RRBP1: variants seen among roughly 807,000 people sequenced by gnomAD.
RRBP1 encodes the protein ribosome-binding protein 1.
RRBP1 carries 94 observed loss-of-function variants against 165.2 expected under a neutral mutation model. The observed-to-expected ratio is 0.57, with a 90% CI of 0.48 to 0.68. RRBP1 has a LOEUF of 0.68. RRBP1 is among the 30% of genes least tolerant of loss of function. The probability of loss-of-function intolerance (pLI) is 0.00; values close to 1 mark genes in which losing one functional copy is unlikely to be tolerated. For missense variants in RRBP1, 1,676 were observed against 1,763.0 expected (o/e 0.95, Z 0.88); for synonymous variants, 680 against 714.5 (o/e 0.95, Z 0.77).
intron 3 of RRBP1, among the ~76,000 whole-genome samples, chr20:17,646,383 T>C (rs1437118482): frequency 6.6e-6 from 1 of 152,244 alleles, no homozygotes. Context: ...GTCACCTCTG[T>C]CCTTGGGCAG....
chr20:17,627,876 T>G (rs563530992), intron 9 of RRBP1, among the ~76,000 whole-genome samples, 194 bp from the exon 10 acceptor site: 2 of 152,332 alleles, frequency 1.3e-5, no homozygotes, highest in South Asian at 4.1e-4. Context: ...AAAGTGCCAC[T>G]CTGGCATCAC....
rs2036702743 is a variant in RRBP1, at chr20:17,659,092, T to TAAA, written c.1415_1416insTTT (p.Val472_Glu473insLeu). 6.8e-7 allele frequency: 1 copy of TAAA among 1,469,870 alleles called. No homozygotes were observed. The highest frequency in any genetic ancestry group is 9.1e-7 in the Non-Finnish European group (1 of 1,104,450). 91.1% of individuals were successfully genotyped at this position (1,469,870 alleles called of 1,614,324 possible). On this transcript the variant is annotated inframe_insertion, in exon 3 of 25. Coordinates refer to ENST00000377813, the MANE Select transcript of RRBP1 (RefSeq NM_001365613.2). ...TCTTGCCCTGGTTCTGGGCCCCTTC[T>TAAA]ACTTTTTTGCCCTGGTTCTGAGCAC...
In RRBP1 at chr20:17,629,341, T is replaced by C. The variant is rs560404208; in HGVS notation, c.2749+482A>G. Among the ~76,000 whole-genome samples, 3 of 152,344 alleles carry C rather than the reference T, an allele frequency of 2.0e-5. No homozygotes were observed. The East Asian group carries it at 5.8e-4, about 29-fold the overall frequency. ...CCCTGTCACCCTTTCCATGATCGACTGCAGCAAGGGAACCACAGGCTTGTA... is the reference window on the plus strand; with the variant it reads ...CCCTGTCACCCTTTCCATGATCGACCGCAGCAAGGGAACCACAGGCTTGTA... On this transcript the variant is annotated intron_variant, in intron 9 of 24. Transcript: ENST00000377813.
In RRBP1 at chr20:17,613,837, C is replaced by A; in HGVS notation, c.*345G>T. ...CCCACCCGCTTCCCGCCCCGCCCCA[C>A]TGAAAAAACACTAAACGATTGCACT... On this transcript the variant is annotated 3_prime_UTR_variant, in exon 25 of 25. Coordinates refer to ENST00000377813, the MANE Select transcript of RRBP1 (RefSeq NM_001365613.2). The A allele has an allele frequency of 4.3e-6, 1 of 232,432 alleles. No homozygotes were observed. The highest frequency in any genetic ancestry group is 8.6e-6 in the Non-Finnish European group (1 of 116,090). 14.4% of individuals were successfully genotyped at this position (232,432 alleles called of 1,614,324 possible). A position where few individuals can be genotyped will look rare whatever the true frequency, so the allele number is the denominator to read the frequency against.
Position 17,627,615 on chromosome 20 carries a change from G to A in RRBP1, c.2817C>T (p.Leu939=). Residue 939 remains leucine, a synonymous_variant, in exon 10 of 25, where the codon CTC becomes CTT. Transcript: ENST00000377813. ...VRSKCEELSG[L]HGQLQEARAE... is the part of the protein sequence containing the mutation. ...CCCTGGCCTCCTGGAGCTGCCCGTG[G>A]AGGCCACTCAGCTCCTCGCATTTGC... 6.2e-7 allele frequency: 1 copy of A among 1,613,524 alleles called. No individual in the cohort carries two copies.
intron 2 of RRBP1, among the ~76,000 whole-genome samples, chr20:17,669,689 C>T (rs2036939327): frequency 1.3e-5 from 2 of 152,124 alleles, no homozygotes; most frequent in South Asian, 4.1e-4. Flanking sequence ...TTCAGAGTTA[C>T]TTCTTAGTTT....
At chr20:17,624,941 G>A (rs2035988275) in intron 12 of RRBP1, among the ~76,000 whole-genome samples, 1 of 152,214 alleles carries the variant, frequency 6.6e-6, no homozygotes, top group African/African-American at 2.4e-5. Context: ...GAGGAGGGAG[G>A]GCCAGCCTGT....
chr20:17,674,545 C>T (rs1434523469), intron 2 of RRBP1, among the ~76,000 whole-genome samples: 2 of 151,972 alleles, frequency 1.3e-5, no homozygotes, highest in African/African-American at 4.8e-5. Flanking sequence ...AGGTGGATCA[C>T]GAGGTCAGGA....
chr20:17,634,190 C>T (rs1457863738), intron 7 of RRBP1, among the ~76,000 whole-genome samples: 5 of 152,236 alleles, frequency 3.3e-5, no homozygotes, highest in African/African-American at 4.8e-5. Context: ...GCCTTTCCAG[C>T]GTAAGGCGTG....
chr20:17,670,424 T>C (rs549289935), intron 2 of RRBP1, among the ~76,000 whole-genome samples: 1 of 124,930 alleles, frequency 8.0e-6, no homozygotes, highest in African/African-American at 2.7e-5. Flanking sequence ...TTGTTTCTAC[T>C]TTTTAGCAAT....
chr20:17,636,355 C>T (rs189732005), intron 6 of RRBP1, among the ~76,000 whole-genome samples: 52 of 152,312 alleles, frequency 3.4e-4, no homozygotes, highest in African/African-American at 9.9e-4. Flanking sequence ...TATTTCATAC[C>T]TCCCTGGCTT....
chr20:17,646,571 A>G (rs1213869627), intron 3 of RRBP1, among the ~76,000 whole-genome samples: 1 of 152,210 alleles, frequency 6.6e-6, no homozygotes, highest in Non-Finnish European at 1.5e-5. Flanking sequence ...GAAAAGAGTA[A>G]GTTGCAACGT....
At chr20:17,614,679 T>C in intron 24 of RRBP1, 58 bp downstream of exon 24, 1 of 1,595,684 alleles carries the variant, frequency 6.3e-7, no homozygotes, top group Non-Finnish European at 8.5e-7. Context: ...CGGTCCTGCC[T>C]CCCCGGGGCT....
chr20:17,628,376 C>T (rs765436575), intron 9 of RRBP1, among the ~76,000 whole-genome samples: 7 of 152,234 alleles, frequency 4.6e-5, no homozygotes, highest in African/African-American at 1.2e-4. Context: ...AGCCCACACC[C>T]GCCATCTGTC....
chr20:17,628,516 T>C (rs900686201), intron 9 of RRBP1, among the ~76,000 whole-genome samples: 2 of 152,182 alleles, frequency 1.3e-5, no homozygotes, highest in Admixed American at 1.3e-4. Flanking sequence ...GCTCTCCACC[T>C]GGTGTCAGTG....
intron 2 of RRBP1, among the ~76,000 whole-genome samples, chr20:17,672,211 G>A (rs1383343452): frequency 6.6e-6 from 1 of 152,252 alleles, no homozygotes; most frequent in African/African-American, 2.4e-5. Context: ...TCGTTTTTAG[G>A]AAATTCACTC....
At chr20:17,662,249 C>T (rs1199571276) in intron 2 of RRBP1, among the ~76,000 whole-genome samples, 2 of 149,824 alleles carry the variant, frequency 1.3e-5, no homozygotes, top group Non-Finnish European at 3.0e-5. Flanking sequence ...GGCGACAGAG[C>T]GAGACTCCGT....
At chr20:17,652,345 T>A (rs919961871) in intron 3 of RRBP1, among the ~76,000 whole-genome samples, 1 of 152,100 alleles carries the variant, frequency 6.6e-6, no homozygotes, top group Non-Finnish European at 1.5e-5. Flanking sequence ...TCTGACTGAT[T>A]TAGGTGATAA....
Position 17,636,698 on chromosome 20 carries a change from GCTGCTGCTTTGGCCTTTT to G in RRBP1, c.2198_2215del (p.Glu733_Ala738del). The G allele has an allele frequency of 6.2e-7, 1 of 1,613,200 alleles. No homozygotes were observed. The highest frequency in any genetic ancestry group is 8.5e-7 in the Non-Finnish European group (1 of 1,180,032). On this transcript the variant is annotated inframe_deletion, in exon 6 of 25. Transcript: ENST00000377813. ...CTGCTTTTTCACTTTGGCCTCCCCG[GCTGCTGCTTTGGCCTTTT>G]CTGCTGCCATCTCCTGGGGGGAAAG... is the stretch of plus-strand genomic sequence containing the variant.
Sources: gnomAD v4.1 joint callset for allele counts (sites outside exome capture counted in the v4.1 genomes callset) on GRCh38, gnomAD v4.1.1 for gene constraint, MANE v1.5 for transcripts, NCBI Gene and HGNC (gene_info 2026-07-23, HGNC 2026-07-21) for gene names.